PCDH15: variants seen among roughly 807,000 people sequenced by gnomAD.
PCDH15 encodes protocadherin-15.
Under a neutral mutation model 178.5 loss-of-function variants are expected in PCDH15, and 129 were observed. The observed-to-expected ratio is 0.72, with a 90% CI of 0.63 to 0.84. The LOEUF (loss-of-function observed/expected upper bound fraction) is 0.84. Among genes scored for constraint, PCDH15 ranks in the 40% least tolerant of loss-of-function variants. The pLI, the probability that PCDH15 is intolerant of heterozygous loss-of-function variation, is 0.00. For synonymous variants in PCDH15, 800 were observed against 732.0 expected (o/e 1.09, Z -1.50); for missense variants, 2,230 against 2,099.9 (o/e 1.06, Z -1.21).
intron 1 of PCDH15, among the ~76,000 whole-genome samples, chr10:54,705,496 A>G (rs2095356462): frequency 6.6e-6 from 1 of 152,090 alleles, no homozygotes; most frequent in South Asian, 2.1e-4. Flanking sequence ...CCAAACCTCA[A>G]TTTCATCACA....
chr10:54,280,667 C>T (rs753874541), intron 8 of PCDH15, among the ~76,000 whole-genome samples: 2 of 151,834 alleles, frequency 1.3e-5, no homozygotes, highest in Non-Finnish European at 3.0e-5. Flanking sequence ...TCTGTACATT[C>T]GTATTCTCTA....
At chr10:55,369,654 C>T (rs1490920857) in intron 2 of PCDH15, among the ~76,000 whole-genome samples, 2 of 152,076 alleles carry the variant, frequency 1.3e-5, no homozygotes, top group Admixed American at 6.6e-5. Flanking sequence ...TAAAGTTTTA[C>T]TTTGATACCT....
At chr10:53,940,559 T>G (rs560669117) in intron 24 of PCDH15, among the ~76,000 whole-genome samples, 76 of 152,282 alleles carry the variant, frequency 5.0e-4, no homozygotes, top group African/African-American at 1.6e-3. Context: ...GCTGAAAATT[T>G]CATGATGCAT....
chr10:55,522,720 G>T (rs558765896), intron 2 of PCDH15, among the ~76,000 whole-genome samples: 1 of 151,794 alleles, frequency 6.6e-6, no homozygotes, highest in South Asian at 2.1e-4. Flanking sequence ...AAACCAAAGT[G>T]AGTCTTCCAT....
At chr10:54,082,917 T>C (rs1264376947) in intron 16 of PCDH15, among the ~76,000 whole-genome samples, 1 of 151,706 alleles carries the variant, frequency 6.6e-6, no homozygotes, top group Non-Finnish European at 1.5e-5. Context: ...CAAAAAGAAA[T>C]CCCAATTTAA....
intron 3 of PCDH15, among the ~76,000 whole-genome samples, chr10:54,471,054 A>G (rs9416361): frequency 0.031 from 4,669 of 152,312 alleles, 236 homozygotes; most frequent in African/African-American, 0.11. Flanking sequence ...TCCCTTAACT[A>G]GAAGTCTTAC....
intron 2 of PCDH15, among the ~76,000 whole-genome samples, chr10:55,609,181 T>C (rs1199937143): frequency 6.6e-6 from 1 of 152,216 alleles, no homozygotes; most frequent in African/African-American, 2.4e-5. Context: ...ATTGTAATTC[T>C]TATATGTGCA....
chr10:55,331,122 T>A (rs969848921), intron 2 of PCDH15, among the ~76,000 whole-genome samples: 2 of 151,928 alleles, frequency 1.3e-5, no homozygotes, highest in African/African-American at 2.4e-5. Context: ...TTCTCCTTCA[T>A]CTCTTCATTT....
chr10:54,519,149 C>T (rs2082561773), intron 3 of PCDH15, among the ~76,000 whole-genome samples: 1 of 152,122 alleles, frequency 6.6e-6, no homozygotes, highest in Admixed American at 6.5e-5. Context: ...TGAAAACTGG[C>T]ACAAGACAGG....
chr10:54,815,206 GA>G (rs1164115454), intron 3 of PCDH15, among the ~76,000 whole-genome samples: 1 of 151,062 alleles, frequency 6.6e-6, no homozygotes, highest in African/African-American at 2.4e-5. Context: ...CTAAAATATT[GA>G]AAAAATTAAG....
At chr10:54,417,086 C>T (rs191777189) in intron 3 of PCDH15, among the ~76,000 whole-genome samples, 32 of 152,160 alleles carry the variant, frequency 2.1e-4, no homozygotes, top group Admixed American at 6.5e-4. Flanking sequence ...GATGGGGTTT[C>T]ACCATGTTTC....
chr10:55,432,731 A>G (rs1838914469), intron 2 of PCDH15, among the ~76,000 whole-genome samples: 1 of 151,982 alleles, frequency 6.6e-6, no homozygotes, highest in South Asian at 2.1e-4. Context: ...AAGAACTTAA[A>G]ACAGAAGTAG....
intron 3 of PCDH15, among the ~76,000 whole-genome samples, chr10:54,835,294 T>C (rs1449321290): frequency 1.3e-5 from 2 of 152,182 alleles, no homozygotes; most frequent in African/African-American, 4.8e-5. Flanking sequence ...CATTCATCTA[T>C]AAACCCACAA....
chr10:55,520,083 GGCATATATATGTATATATATACAC>G (rs1841124138), intron 2 of PCDH15, among the ~76,000 whole-genome samples: 1 of 130,066 alleles, frequency 7.7e-6, no homozygotes, highest in Non-Finnish European at 1.6e-5. Flanking sequence ...ATATATATAA[GGCATATATATGTATATATATACAC>G]GCAATGTGTA....
chr10:53,842,011 C>A, intron 28 of PCDH15, among the ~76,000 whole-genome samples: 1 of 150,498 alleles, frequency 6.6e-6, no homozygotes, highest in Non-Finnish European at 1.5e-5. Context: ...GAGACACAGA[C>A]TAGTCTAACA....
rs1053516307 is a variant in PCDH15 at position 54,329,585 on chromosome 10, T to A, written c.705+11A>T. The A allele has an allele frequency of 6.5e-7, 1 of 1,545,692 alleles. No individual in the cohort carries two copies. The highest frequency in any genetic ancestry group is 1.4e-5 in the African/African-American group (1 of 73,292). ...TTCACAGAAGAAATTTAAAAGAAAT[T>A]GAATACTCACATTAGCTTGGATTAT... On this transcript the variant is annotated intron_variant, in intron 7 of 37. Transcript: ENST00000644397.
chr10:54,626,716 C>G (rs2093562090), intron 2 of PCDH15, among the ~76,000 whole-genome samples: 1 of 152,152 alleles, frequency 6.6e-6, no homozygotes, highest in Admixed American at 6.5e-5. Context: ...GTTGAAGTCC[C>G]TACACAGAGT....
intron 8 of PCDH15, among the ~76,000 whole-genome samples, chr10:54,259,813 G>A (rs1453527235): frequency 6.6e-6 from 1 of 152,068 alleles, no homozygotes; most frequent in African/African-American, 2.4e-5. Context: ...AGTCTAAGAG[G>A]CAATAAACCT....
At chr10:54,300,454 A>T (rs561486009) in intron 8 of PCDH15, among the ~76,000 whole-genome samples, 1 of 152,294 alleles carries the variant, frequency 6.6e-6, no homozygotes, top group South Asian at 2.1e-4. Flanking sequence ...TCTACCGAGG[A>T]TCCCTGGACT....
Sources: allele counts gnomAD v4.1 joint callset (sites outside exome capture counted in the v4.1 genomes callset), GRCh38; gene constraint gnomAD v4.1.1; transcripts MANE v1.5; gene names NCBI Gene and HGNC (gene_info 2026-07-23, HGNC 2026-07-21).